The following TBCK variants were observed in gnomAD, a reference collection of about 807,000 sequenced individuals.
TBCK encodes TBC1 domain containing kinase.
In TBCK, 99 loss-of-function variants were observed where a neutral mutation model predicts 113.4. The observed-to-expected ratio is 0.87, with a 90% CI of 0.74 to 1.03. The LOEUF (loss-of-function observed/expected upper bound fraction) is 1.03, where lower values mean the gene tolerates loss of function less well. Ranked by LOEUF, TBCK falls within the 50% of genes least tolerant of loss-of-function variation. The pLI, the probability that TBCK is intolerant of heterozygous loss-of-function variation, is 0.00. For missense variants in TBCK, 1,045 were observed against 1,061.3 expected, an observed-to-expected ratio of 0.98 and a Z score of 0.21; for synonymous variants, 369 against 370.8, an observed-to-expected ratio of 1.00 and a Z score of 0.05.
In TBCK at chr4:106,250,003, C is replaced by G. The variant is rs188966681; in HGVS notation, c.658+415G>C. Among the ~76,000 whole-genome samples the G allele has an allele frequency of 5.7e-4, 87 of 152,022 alleles. 3 individuals carry two copies. The highest frequency in any genetic ancestry group is 1.7e-3 in the Admixed American group (26 of 15,232). The stretch of plus-strand genomic sequence containing the variant: ...CCACATACATGAAAATTCATATGAG[C>G]CTTTTATAAGGAAAAATCAATATTC... On this transcript the variant is annotated intron_variant, in intron 7 of 25. Transcript: ENST00000394708.
intron 20 of TBCK, among the ~76,000 whole-genome samples, chr4:106,202,287 C>T (rs1176151549): frequency 6.6e-6 from 1 of 151,480 alleles, no homozygotes; most frequent in Non-Finnish European, 1.5e-5. Context: ...TTCATCAATA[C>T]CAATTAATTA....
chr4:106,302,964 T>C (rs956299659), intron 2 of TBCK, among the ~76,000 whole-genome samples: 2 of 152,244 alleles, frequency 1.3e-5, no homozygotes, highest in Admixed American at 1.3e-4. Flanking sequence ...AGTTATTTTC[T>C]GGGCTTTCAG....
chr4:106,299,716 A>G (rs1434813552), intron 2 of TBCK, among the ~76,000 whole-genome samples: 1 of 152,228 alleles, frequency 6.6e-6, no homozygotes, highest in East Asian at 1.9e-4. Flanking sequence ...TAAAAATAAC[A>G]TGTTATAAAA....
chr4:106,049,292 G>A (rs909768737), intron 25 of TBCK, among the ~76,000 whole-genome samples: 1 of 152,178 alleles, frequency 6.6e-6, no homozygotes, highest in African/African-American at 2.4e-5. Context: ...AGTAGTATGG[G>A]TAGCATAAAA....
chr4:106,233,296 T>C (rs1379875621), intron 16 of TBCK, among the ~76,000 whole-genome samples: 1 of 151,932 alleles, frequency 6.6e-6, no homozygotes, highest in Non-Finnish European at 1.5e-5. Context: ...GAAAGGTATG[T>C]ATGTGTTAAT....
chr4:106,167,131 TAGAG>T (rs59727874), intron 23 of TBCK, among the ~76,000 whole-genome samples: 40 of 143,112 alleles, frequency 2.8e-4, no homozygotes, highest in African/African-American at 3.1e-4. Flanking sequence ...TATATATATA[TAGAG>T]AGAGAGAGAG....
rs1746325725 is a variant in TBCK, at chr4:106,134,388, G to A, written c.2236-18010C>T. On this transcript the variant is annotated intron_variant, in intron 23 of 25. Transcript: ENST00000394708. ...TATGTATAAAAGCATGCTGAGTGATGTTGTCCCTAAAAGGCTATACTATGC... is the reference window on the plus strand; with the variant it reads ...TATGTATAAAAGCATGCTGAGTGATATTGTCCCTAAAAGGCTATACTATGC... Among the ~76,000 whole-genome samples, 2 of 152,166 alleles carry A rather than the reference G, an allele frequency of 1.3e-5. 1 individual carries two copies. Among genetic ancestry groups the A allele is most frequent in the Non-Finnish European group, 2.9e-5 (2 of 68,032 alleles).
chr4:106,266,245 G>A (rs552814258), intron 3 of TBCK, among the ~76,000 whole-genome samples: 1 of 151,716 alleles, frequency 6.6e-6, no homozygotes, highest in Non-Finnish European at 1.5e-5. Flanking sequence ...CATTCCCTGA[G>A]ATTAGCAAAA....
At chr4:106,059,602 CCTT>C (rs926012495) in intron 25 of TBCK, among the ~76,000 whole-genome samples, 3 of 151,666 alleles carry the variant, frequency 2.0e-5, no homozygotes, top group Middle Eastern at 3.2e-3. Flanking sequence ...CTGTTTCTCT[CCTT>C]CTCCTTAAGC....
intron 19 of TBCK, among the ~76,000 whole-genome samples, chr4:106,214,531 G>T (rs1487714927): frequency 6.6e-6 from 1 of 152,078 alleles, no homozygotes; most frequent in Non-Finnish European, 1.5e-5. Context: ...GGAGCTGATG[G>T]AGCTGAAAAC....
chr4:106,194,063 T>C (rs1753948498), intron 21 of TBCK, among the ~76,000 whole-genome samples: 1 of 152,216 alleles, frequency 6.6e-6, no homozygotes, highest in Non-Finnish European at 1.5e-5. Context: ...TTTATCTAGA[T>C]GAACTTTAGT....
At chr4:106,214,732 C>G (rs1475685372) in intron 19 of TBCK, among the ~76,000 whole-genome samples, 1 of 151,658 alleles carries the variant, frequency 6.6e-6, no homozygotes, top group African/African-American at 2.4e-5. Context: ...ACCAAATCTA[C>G]GTCTGATTGG....
intron 19 of TBCK, among the ~76,000 whole-genome samples, chr4:106,216,262 C>CA (rs1756903448): frequency 6.7e-6 from 1 of 150,204 alleles, no homozygotes; most frequent in Non-Finnish European, 1.5e-5. Context: ...CAAGAGAAAG[C>CA]AGGAAAGATC....
chr4:106,159,106 TAA>T (rs982487630), intron 23 of TBCK, among the ~76,000 whole-genome samples: 1 of 149,864 alleles, frequency 6.7e-6, no homozygotes, highest in African/African-American at 2.4e-5. Context: ...TGTTTCATGA[TAA>T]AAACATTTAA....
intron 25 of TBCK, among the ~76,000 whole-genome samples, chr4:106,071,561 G>C (rs954006334): frequency 5.9e-5 from 9 of 152,200 alleles, no homozygotes; most frequent in African/African-American, 2.2e-4. Context: ...GTGCCAAGAA[G>C]AATGTATATT....
intron 24 of TBCK, among the ~76,000 whole-genome samples, chr4:106,103,737 T>C (rs1469939619): frequency 1.3e-5 from 2 of 152,174 alleles, no homozygotes; most frequent in African/African-American, 4.8e-5. Context: ...AAGCAGCTAG[T>C]GTGTGTGGCT....
intron 3 of TBCK, among the ~76,000 whole-genome samples, chr4:106,269,362 G>T (rs1398890377): frequency 6.6e-6 from 1 of 152,040 alleles, no homozygotes; most frequent in Non-Finnish European, 1.5e-5. Flanking sequence ...TTTGGGGAGG[G>T]TGTTTCCAAT....
chr4:106,192,142 AT>A (rs1175582520), intron 22 of TBCK, among the ~76,000 whole-genome samples: 1 of 151,898 alleles, frequency 6.6e-6, no homozygotes, highest in Non-Finnish European at 1.5e-5. Flanking sequence ...AGTTGCATGA[AT>A]TTTTTAACAG....
chr4:106,291,976 T>C (rs975977452), intron 3 of TBCK, among the ~76,000 whole-genome samples: 2 of 152,206 alleles, frequency 1.3e-5, no homozygotes, highest in South Asian at 2.1e-4. Flanking sequence ...CAGGAGGATA[T>C]GCATGAGGAT....
Sources: allele counts gnomAD v4.1 joint callset (sites outside exome capture counted in the v4.1 genomes callset), GRCh38; gene constraint gnomAD v4.1.1; transcripts MANE v1.5; gene names NCBI Gene and HGNC (gene_info 2026-07-23, HGNC 2026-07-21).